SAMMSON: variants seen among roughly 807,000 people sequenced by gnomAD.
The protein encoded by SAMMSON is survival associated mitochondrial melanoma specific oncogenic non-coding RNA, also known as long intergenic non-protein coding RNA 1212.
At chr3:70,089,148 A>G (rs1253526322) in intron 4 of SAMMSON, among the ~76,000 whole-genome samples, 1 of 152,162 alleles carries the variant, frequency 6.6e-6, no homozygotes. Context: ...ATAATTTGCT[A>G]TATTCTGACT....
chr3:70,349,154 C>T (rs1702773649), intron 7 of SAMMSON, among the ~76,000 whole-genome samples: 2 of 152,036 alleles, frequency 1.3e-5, no homozygotes, highest in Non-Finnish European at 2.9e-5. Context: ...GTGGGAGGAT[C>T]ACCCAAGGTC....
intron 3 of SAMMSON, among the ~76,000 whole-genome samples, chr3:70,050,448 C>G (rs1228490098): frequency 6.6e-6 from 1 of 152,088 alleles, no homozygotes; most frequent in Non-Finnish European, 1.5e-5. Flanking sequence ...AAAAGACAGG[C>G]TTGAAATTTC....
At chr3:70,086,754 G>A (rs1415960008) in intron 4 of SAMMSON, among the ~76,000 whole-genome samples, 1 of 152,198 alleles carries the variant, frequency 6.6e-6, no homozygotes, top group Non-Finnish European at 1.5e-5. Flanking sequence ...TGCATGTAAT[G>A]AGTTCTCATA....
chr3:70,116,811 A>G (rs974582052), intron 4 of SAMMSON, among the ~76,000 whole-genome samples: 12 of 152,188 alleles, frequency 7.9e-5, no homozygotes, highest in Non-Finnish European at 1.3e-4. Flanking sequence ...TGGGAGATTC[A>G]TACAATCCCA....
At chr3:70,433,904 C>T (rs1383508689) in intron 2 of SAMMSON, among the ~76,000 whole-genome samples, 1 of 152,104 alleles carries the variant, frequency 6.6e-6, no homozygotes, top group Non-Finnish European at 1.5e-5. Flanking sequence ...GAAGCTCTGT[C>T]CTTTCTTCAT....
intron 4 of SAMMSON, among the ~76,000 whole-genome samples, chr3:70,118,076 G>A (rs1459203908): frequency 6.6e-6 from 1 of 151,692 alleles, no homozygotes; most frequent in Non-Finnish European, 1.5e-5. Flanking sequence ...CCACCACCAC[G>A]CCCGGCTAAT....
At chr3:70,327,590 A>C (rs1702588887) in intron 7 of SAMMSON, among the ~76,000 whole-genome samples, 1 of 152,196 alleles carries the variant, frequency 6.6e-6, no homozygotes, top group African/African-American at 2.4e-5. Context: ...CGTCCAAGTG[A>C]GGAAACTTCA....
At chr3:70,050,789 G>T (rs575503786) in intron 3 of SAMMSON, among the ~76,000 whole-genome samples, 1 of 152,068 alleles carries the variant, frequency 6.6e-6, no homozygotes, top group Admixed American at 6.6e-5. Flanking sequence ...TAATCCATGT[G>T]CCTGGAAGAA....
intron 4 of SAMMSON, among the ~76,000 whole-genome samples, chr3:70,132,605 C>T (rs562235371): frequency 6.6e-6 from 1 of 152,102 alleles, no homozygotes; most frequent in African/African-American, 2.4e-5. Flanking sequence ...GGCCATCTTG[C>T]AGGCTGCAAC....
At chr3:70,121,560 T>C (rs763206178) in intron 4 of SAMMSON, among the ~76,000 whole-genome samples, 13 of 152,222 alleles carry the variant, frequency 8.5e-5, no homozygotes, top group Non-Finnish European at 1.9e-4. Flanking sequence ...AAAGACTTTC[T>C]TGGACTTTCT....
chr3:70,395,348 T>TTTTTGTG (rs545231969), intron 2 of SAMMSON, among the ~76,000 whole-genome samples: 1 of 149,738 alleles, frequency 6.7e-6, no homozygotes, highest in African/African-American at 2.5e-5. Flanking sequence ...TTTTTTTTTT[T>TTTTTGTG]TGTGTTGTTG....
chr3:70,213,762 T>A (rs1205979852), intron 4 of SAMMSON, among the ~76,000 whole-genome samples: 1 of 152,096 alleles, frequency 6.6e-6, no homozygotes, highest in African/African-American at 2.4e-5. Context: ...ATACAATATA[T>A]AAAATACAGG....
At chr3:70,172,494 A>G (rs766991303) in intron 4 of SAMMSON, 64 of 151,932 alleles carry the variant, frequency 4.2e-4, no homozygotes, top group Non-Finnish European at 7.1e-4. Flanking sequence ...TAGTGTTCTT[A>G]TAAGTGTTGG....
chr3:70,276,314 T>C lies in SAMMSON; in HGVS notation n.675-14865T>C, dbSNP rs369839572. Among the ~76,000 whole-genome samples the C allele has an allele frequency of 2.4e-4, 36 of 152,328 alleles. No individual in the cohort carries two copies. The South Asian group carries it at 7.2e-3, about 31-fold the overall frequency. Reference sequence around the variant, plus strand: ...TATATACTGTCATTTTAAATAACTTTATATTATTCCATCTTATGAACACAC... The same window carrying C: ...TATATACTGTCATTTTAAATAACTTCATATTATTCCATCTTATGAACACAC... On this transcript the variant is annotated intron_variant and non_coding_transcript_variant, in intron 6 of 9. Transcript: ENST00000642114.
intron 4 of SAMMSON, among the ~76,000 whole-genome samples, chr3:70,107,601 GT>G (rs10709397): frequency 0.47 from 67,821 of 142,802 alleles, 16,436 homozygotes; most frequent in East Asian, 0.94. Flanking sequence ...TTCTTCCTTA[GT>G]TTTTTTTTTT....
chr3:70,160,389 T>G (rs2067610110), intron 4 of SAMMSON, among the ~76,000 whole-genome samples: 1 of 151,752 alleles, frequency 6.6e-6, no homozygotes, highest in Non-Finnish European at 1.5e-5. Flanking sequence ...CTTCTTTCTT[T>G]GCAGTTTTTT....
In SAMMSON at chr3:70,072,864, C is replaced by A. The variant is rs1056248762; in HGVS notation, n.507+1299C>A. 1.3e-5 allele frequency among the ~76,000 whole-genome samples: 2 copies of A among 151,940 alleles called. 1 individual carries two copies. Among genetic ancestry groups the A allele is most frequent in the South Asian group, 4.2e-4 (2 of 4,816 alleles). On this transcript the variant is annotated intron_variant and non_coding_transcript_variant, in intron 4 of 9. Transcript: ENST00000642114. Reference sequence around the variant, plus strand: ...CAAATGTTTACAGATTGAAACTTATCATTTCTTGATTACCAGTATGAAGTA... The same window carrying A: ...CAAATGTTTACAGATTGAAACTTATAATTTCTTGATTACCAGTATGAAGTA...
chr3:70,020,524 G>A (rs188915866), intron 3 of SAMMSON, among the ~76,000 whole-genome samples: 1 of 152,216 alleles, frequency 6.6e-6, no homozygotes, highest in African/African-American at 2.4e-5. Context: ...AGGCAAACTT[G>A]TCAAAGAGGT....
intron 6 of SAMMSON, among the ~76,000 whole-genome samples, chr3:70,256,657 C>A (rs543500221): frequency 2.0e-5 from 3 of 152,156 alleles, no homozygotes; most frequent in African/African-American, 7.2e-5. Flanking sequence ...CCATGAGATG[C>A]GTCCCTCCTT....
Sources: allele counts gnomAD v4.1 joint callset (sites outside exome capture counted in the v4.1 genomes callset), GRCh38; gene constraint gnomAD v4.1.1; transcripts MANE v1.5; gene names NCBI Gene and HGNC (gene_info 2026-07-23, HGNC 2026-07-21).